The following ZNF544 variants were observed in gnomAD, a reference collection of about 807,000 sequenced individuals.
ZNF544 encodes zinc finger protein AF020591.
ZNF544 carries 10 observed loss-of-function variants against 13.5 expected under a neutral mutation model. The observed-to-expected ratio is 0.74, with a 90% CI of 0.46 to 1.25. The LOEUF is 1.25. Among genes scored for constraint, ZNF544 ranks in the 50% most tolerant of loss-of-function variants. ZNF544 has a pLI of 0.00. For missense variants in ZNF544, 896 were observed against 845.6 expected (o/e 1.06, Z -0.74); for synonymous variants, 323 against 300.5 (o/e 1.07, Z -0.77).
At chr19:58,244,248 C>T (rs2044566388) in intron 4 of ZNF544, among the ~76,000 whole-genome samples, 192 bp downstream of exon 4, 1 of 151,916 alleles carries the variant, frequency 6.6e-6, no homozygotes, top group South Asian at 2.1e-4. Flanking sequence ...CCTAGAGCTC[C>T]CTGCACTAGA....
At chr19:58,260,002 C>T (rs772658026) in intron 6 of ZNF544, among the ~76,000 whole-genome samples, 9 of 152,072 alleles carry the variant, frequency 5.9e-5, no homozygotes, top group East Asian at 1.9e-4. Flanking sequence ...GGAGGCCAGT[C>T]GGGGAGGATC....
intron 6 of ZNF544, 179 bp from the exon 7 acceptor site, chr19:58,260,672 A>G: frequency 3.4e-6 from 2 of 590,394 alleles, no homozygotes; most frequent in Non-Finnish European, 5.8e-6. Flanking sequence ...TTTGCACTTT[A>G]CCACTGATAC....
rs138990536 is a variant in ZNF544, at chr19:58,272,879, A to G, written c.245-3444A>G. On this transcript the variant is annotated intron_variant, in intron 5 of 6. Transcript: ENST00000595981. Reference sequence around the variant, plus strand: ...CAGAGCGAGTCTCCTTCTCAAAAAAAAAAAGAAAAGAAAAGAAAAAAAGGC... The same window carrying G: ...CAGAGCGAGTCTCCTTCTCAAAAAAGAAAAGAAAAGAAAAGAAAAAAAGGC... Among the ~76,000 whole-genome samples the G allele has an allele frequency of 1.2e-3, 177 of 151,670 alleles. 1 individual carries two copies. Among genetic ancestry groups the G allele is most frequent in the African/African-American group, 3.8e-3 (158 of 41,210 alleles).
chr19:58,258,090 T>C (rs1263122612), intron 6 of ZNF544: 2 of 152,346 alleles, frequency 1.3e-5, no homozygotes, highest in African/African-American at 2.4e-5. Context: ...CTGTTTGGCA[T>C]AGGCATCCCT....
At chr19:58,255,937 A>C (rs2047225486) in intron 6 of ZNF544, among the ~76,000 whole-genome samples, 1 of 152,260 alleles carries the variant, frequency 6.6e-6, no homozygotes, top group Non-Finnish European at 1.5e-5. Flanking sequence ...AGGAAACGGC[A>C]GCTGAAAGAT....
At chr19:58,264,222 C>T (rs186759740), downstream of ZNF544, 7 of 151,594 alleles carry the variant, frequency 4.6e-5, no homozygotes, top group Non-Finnish European at 7.4e-5. Context: ...GGAGAAACCC[C>T]GTCTCGACGA....
At chr19:58,229,238 A>C (rs570231543) in intron 1 of ZNF544, 1 of 136,928 alleles carries the variant, frequency 7.3e-6, no homozygotes, top group East Asian at 2.4e-4. Flanking sequence ...GCTGGGAGGG[A>C]ACTTATAGTA....
chr19:58,256,069 T>G (rs2047267239), intron 6 of ZNF544, among the ~76,000 whole-genome samples: 1 of 152,156 alleles, frequency 6.6e-6, no homozygotes, highest in Admixed American at 6.5e-5. Context: ...GCCAGAAACT[T>G]ACAGTTGCTT....
chr19:58,264,059 C>T (rs2049506799), downstream of ZNF544: 2 of 145,938 alleles, frequency 1.4e-5, no homozygotes, highest in Non-Finnish European at 3.0e-5. Context: ...CACACTACTG[C>T]ACTCCAGCCT....
At chr19:58,269,737 A>C (rs2050395730) in intron 5 of ZNF544, among the ~76,000 whole-genome samples, 1 of 152,180 alleles carries the variant, frequency 6.6e-6, no homozygotes, top group South Asian at 2.1e-4. Context: ...CCTGGCCAAG[A>C]TGGTGAAACC....
chr19:58,242,967 T>C lies in ZNF544; in HGVS notation c.-59-998T>C, dbSNP rs554658305. On this transcript the variant is annotated intron_variant, in intron 3 of 6. Coordinates refer to ENST00000687789, the MANE Select transcript of ZNF544 (RefSeq NM_014480.4). ...GCCTCAGCCTCCCAAAGTGCTGGGA[T>C]TACACGCGTGAGCCACCGCACCTGG... 7.2e-5 allele frequency among the ~76,000 whole-genome samples: 11 copies of C among 152,226 alleles called. No individual in the cohort carries two copies. In the South Asian group the frequency reaches 2.3e-3, roughly 32 times the overall value.
chr19:58,266,993 A>G (rs1269344928), downstream of ZNF544: 1 of 152,140 alleles, frequency 6.6e-6, no homozygotes, highest in East Asian at 1.9e-4. Context: ...GGCAAGGAGC[A>G]AAAGATAAAG....
intron 5 of ZNF544, among the ~76,000 whole-genome samples, chr19:58,275,051 G>A (rs2051111136): frequency 1.3e-5 from 2 of 152,062 alleles, no homozygotes; most frequent in African/African-American, 4.8e-5. Flanking sequence ...GAAAGGGGGT[G>A]GTAACTGGGG....
chr19:58,268,082 C>T (rs2050159945), downstream of ZNF544, among the ~76,000 whole-genome samples: 2 of 152,224 alleles, frequency 1.3e-5, no homozygotes, highest in East Asian at 3.9e-4. Flanking sequence ...GGCGGATCAC[C>T]TGAGGTTGGG....
At chr19:58,247,964 C>T (rs199958160) in intron 6 of ZNF544, among the ~76,000 whole-genome samples, 2 of 151,438 alleles carry the variant, frequency 1.3e-5, no homozygotes, top group African/African-American at 4.9e-5. Context: ...ACCAGGCTGG[C>T]GTACAGTGGT....
chr19:58,246,674 A>C (rs771339708), intron 5 of ZNF544, 37 bp from the exon 6 acceptor site: 20 of 1,609,792 alleles, frequency 1.2e-5, no homozygotes, highest in African/African-American at 5.3e-5. Context: ...CTTGGTGTCC[A>C]AGCAGAGGGG....
At chr19:58,252,544 C>CT (rs1056782951) in intron 6 of ZNF544, among the ~76,000 whole-genome samples, 11 of 151,926 alleles carry the variant, frequency 7.2e-5, no homozygotes, top group Non-Finnish European at 1.5e-4. Context: ...ATAAATAACC[C>CT]TTTTTTTTAA....
intron 3 of ZNF544, among the ~76,000 whole-genome samples, chr19:58,238,865 T>TAA (rs112124516): frequency 6.8e-5 from 9 of 132,464 alleles, no homozygotes; most frequent in Admixed American, 2.3e-4. Flanking sequence ...TAAGTCACGG[T>TAA]AAAAAAAAAA....
intron 4 of ZNF544, among the ~76,000 whole-genome samples, chr19:58,244,746 A>G (rs894764942): frequency 1.3e-5 from 2 of 151,706 alleles, no homozygotes; most frequent in African/African-American, 2.4e-5. Context: ...TGACTAATTT[A>G]TTATATTTTT....
Sources: allele counts gnomAD v4.1 joint callset (sites outside exome capture counted in the v4.1 genomes callset), GRCh38; gene constraint gnomAD v4.1.1; transcripts MANE v1.5; gene names NCBI Gene and HGNC (gene_info 2026-07-23, HGNC 2026-07-21).